The following RARB variants were observed in gnomAD, a reference collection of about 807,000 sequenced individuals.
RARB encodes retinoic acid receptor beta.
RARB carries 17 observed loss-of-function variants against 51.9 expected under a neutral mutation model. The observed-to-expected ratio is 0.33, with a 90% CI of 0.22 to 0.49. RARB has a LOEUF of 0.49. Ranked by LOEUF, RARB falls within the 20% of genes least tolerant of loss-of-function variation. The pLI is 0.99. For synonymous variants in RARB, 215 were observed against 195.4 expected (o/e 1.10, Z -0.84); for missense variants, 369 against 550.8 (o/e 0.67, Z 3.30).
chr3:25,060,653 A>G (rs1318408349), intron 3 of RARB, among the ~76,000 whole-genome samples: 1 of 151,814 alleles, frequency 6.6e-6, no homozygotes, highest in Non-Finnish European at 1.5e-5. Flanking sequence ...ATACAGAAGG[A>G]AAAAAATCAA....
intron 1 of RARB, among the ~76,000 whole-genome samples, chr3:24,834,520 C>G (rs1438408369): frequency 6.6e-6 from 1 of 152,110 alleles, no homozygotes; most frequent in Non-Finnish European, 1.5e-5. Flanking sequence ...AGCAGGCTTC[C>G]CCTCTTTCAC....
intron 2 of RARB, among the ~76,000 whole-genome samples, chr3:24,899,508 C>T (rs1344733298): frequency 6.6e-6 from 1 of 152,168 alleles, no homozygotes; most frequent in African/African-American, 2.4e-5. Context: ...TGAAAAGCAT[C>T]TCTTGACATC....
chr3:25,179,053 A>T (rs568717640), intron 5 of RARB, among the ~76,000 whole-genome samples: 3 of 152,168 alleles, frequency 2.0e-5, no homozygotes, highest in African/African-American at 7.2e-5. Flanking sequence ...TTCTTTTTTA[A>T]TGATCAGAAA....
At chr3:24,875,164 A>T (rs1441356801) in intron 2 of RARB, among the ~76,000 whole-genome samples, 1 of 151,924 alleles carries the variant, frequency 6.6e-6, no homozygotes, top group Non-Finnish European at 1.5e-5. Context: ...TGTTTTTTTC[A>T]TTTTAAACTT....
chr3:25,210,829 C>A (rs1472068455), intron 5 of RARB, among the ~76,000 whole-genome samples: 4 of 152,010 alleles, frequency 2.6e-5, no homozygotes, highest in Admixed American at 1.3e-4. Context: ...GCCACCATGC[C>A]CAGCCTTTGT....
intron 5 of RARB, among the ~76,000 whole-genome samples, chr3:25,409,571 A>G (rs1575380096): frequency 1.3e-5 from 2 of 152,286 alleles, no homozygotes; most frequent in East Asian, 1.9e-4. Context: ...ACCTTTTAAT[A>G]TAGGCCAATA....
At chr3:25,002,821 T>A (rs367785206) in intron 2 of RARB, among the ~76,000 whole-genome samples, 3 of 152,068 alleles carry the variant, frequency 2.0e-5, no homozygotes, top group African/African-American at 7.2e-5. Flanking sequence ...TGTTTCATCA[T>A]CTATAATATA....
At chr3:25,205,014 C>T (rs571902230) in intron 5 of RARB, among the ~76,000 whole-genome samples, 10 of 152,292 alleles carry the variant, frequency 6.6e-5, no homozygotes, top group African/African-American at 1.9e-4. Flanking sequence ...GTATGCCTTG[C>T]CCCCAGAGGT....
chr3:24,974,301 A>G (rs750184127), intron 2 of RARB, among the ~76,000 whole-genome samples: 19 of 152,122 alleles, frequency 1.2e-4, no homozygotes, highest in Non-Finnish European at 2.4e-4. Context: ...ATCACGGTGA[A>G]TAATTTTTTA....
chr3:25,044,902 G>A (rs1311196990), intron 2 of RARB, among the ~76,000 whole-genome samples: 1 of 152,068 alleles, frequency 6.6e-6, no homozygotes, highest in African/African-American at 2.4e-5. Flanking sequence ...AATCTCCATT[G>A]TTCTCAGTGA....
At chr3:25,338,128 CACACACAG>C (rs1185508977) in intron 5 of RARB, among the ~76,000 whole-genome samples, 22 of 150,210 alleles carry the variant, frequency 1.5e-4, no homozygotes, top group Non-Finnish European at 7.4e-5. Context: ...CACACACACA[CACACACAG>C]AATTAAGCAA....
chr3:25,279,385 G>T (rs1024327212), intron 5 of RARB, among the ~76,000 whole-genome samples: 1 of 152,008 alleles, frequency 6.6e-6, no homozygotes, highest in African/African-American at 2.4e-5. Context: ...AAGCATAATG[G>T]GTGCTTAATG....
intron 2 of RARB, among the ~76,000 whole-genome samples, chr3:24,900,058 A>T (rs547042004): frequency 6.6e-6 from 1 of 152,362 alleles, no homozygotes; most frequent in East Asian, 1.9e-4. Context: ...GATTGATGTT[A>T]TAAGTGTCAT....
intron 2 of RARB, among the ~76,000 whole-genome samples, chr3:24,914,002 A>T (rs1202770539): frequency 5.3e-5 from 8 of 152,230 alleles, no homozygotes; most frequent in Admixed American, 5.2e-4. Flanking sequence ...AGTCAGCCAG[A>T]TGCAAAAGGT....
intron 2 of RARB, among the ~76,000 whole-genome samples, chr3:24,925,135 A>T (rs908136349): frequency 6.6e-6 from 1 of 152,086 alleles, no homozygotes; most frequent in African/African-American, 2.4e-5. Flanking sequence ...TGAAACAAAA[A>T]CTATATCCCC....
chr3:25,477,265 G>C (rs1695999831), intron 2 of RARB, among the ~76,000 whole-genome samples: 1 of 152,206 alleles, frequency 6.6e-6, no homozygotes, highest in African/African-American at 2.4e-5. Context: ...CTGTCTTGCT[G>C]TATCTTCCTA....
intron 5 of RARB, among the ~76,000 whole-genome samples, chr3:25,379,749 T>G (rs1223107415): frequency 6.6e-6 from 1 of 152,134 alleles, no homozygotes; most frequent in Non-Finnish European, 1.5e-5. Flanking sequence ...TTATTTTACA[T>G]TATAACATCT....
intron 2 of RARB, among the ~76,000 whole-genome samples, chr3:24,946,758 A>G (rs1045644964): frequency 6.6e-6 from 1 of 152,092 alleles, no homozygotes; most frequent in African/African-American, 2.4e-5. Flanking sequence ...CCCAGCTCCC[A>G]AGAAACTGAG....
chr3:25,027,419 T>TC (rs1317389297), intron 2 of RARB, among the ~76,000 whole-genome samples: 5 of 151,840 alleles, frequency 3.3e-5, no homozygotes, highest in East Asian at 3.9e-4. Context: ...AAATACATCT[T>TC]CCCCCCCATA....
Sources: gnomAD v4.1 joint callset for allele counts (sites outside exome capture counted in the v4.1 genomes callset) on GRCh38, gnomAD v4.1.1 for gene constraint, MANE v1.5 for transcripts, NCBI Gene and HGNC (gene_info 2026-07-23, HGNC 2026-07-21) for gene names.